RAP1GDS1: variants seen among roughly 807,000 people sequenced by gnomAD.
The protein encoded by RAP1GDS1 is RAP1, GTP-GDP dissociation stimulator 1.
Under a neutral mutation model 71.1 loss-of-function variants are expected in RAP1GDS1, and 35 were observed. That is an observed-to-expected ratio of 0.49 (90% CI 0.38 to 0.65). RAP1GDS1 has a LOEUF of 0.65. Ranked by LOEUF, RAP1GDS1 falls within the 30% of genes least tolerant of loss-of-function variation. The probability of loss-of-function intolerance (pLI) is 0.00; values close to 1 mark genes in which losing one functional copy is unlikely to be tolerated. For missense variants in RAP1GDS1, 663 were observed against 706.1 expected (o/e 0.94, Z 0.69); for synonymous variants, 229 against 243.1 (o/e 0.94, Z 0.54).
intron 1 of RAP1GDS1, among the ~76,000 whole-genome samples, chr4:98,283,746 A>G (rs1224363505): frequency 1.3e-5 from 2 of 152,044 alleles, no homozygotes; most frequent in South Asian, 2.1e-4. Flanking sequence ...ATTGAAAGCT[A>G]AAGTGTGTAT....
intron 2 of RAP1GDS1, among the ~76,000 whole-genome samples, chr4:98,326,234 G>T (rs1018986386): frequency 6.6e-6 from 1 of 151,880 alleles, no homozygotes; most frequent in Non-Finnish European, 1.5e-5. Flanking sequence ...CATAGTTAAC[G>T]CAGCCAATAT....
At chr4:98,378,533 G>A (rs1161274625) in intron 4 of RAP1GDS1, among the ~76,000 whole-genome samples, 2 of 151,868 alleles carry the variant, frequency 1.3e-5, no homozygotes, top group Non-Finnish European at 2.9e-5. Flanking sequence ...TTTAATAAGA[G>A]CTATTATCAA....
Position 98,442,257 on chromosome 4 carries a change from T to C in RAP1GDS1, c.*140T>C. 1.7e-6 allele frequency: 2 copies of C among 1,169,068 alleles called. No individual in the cohort carries two copies. Among genetic ancestry groups the C allele is most frequent in the Non-Finnish European group, 2.3e-6 (2 of 861,254 alleles). The allele number at this position is 1,169,068 out of a possible 1,614,324, so 72.4% of individuals were successfully genotyped here. On this transcript the variant is annotated 3_prime_UTR_variant, in exon 15 of 15. Transcript: ENST00000408927. ...ATACCAATTGAAGAACCGCTGTAGG[T>C]ACCTCCCTAATAAGATTTCTAAACC... is the stretch of plus-strand genomic sequence containing the variant.
At chr4:98,307,862 T>C (rs541496856) in intron 2 of RAP1GDS1, among the ~76,000 whole-genome samples, 62 of 152,278 alleles carry the variant, frequency 4.1e-4, no homozygotes, top group African/African-American at 1.5e-3. Context: ...GGGTTAAGCT[T>C]CCAGTGAAAT....
chr4:98,353,544 A>G (rs1190522047), intron 4 of RAP1GDS1, among the ~76,000 whole-genome samples: 1 of 152,214 alleles, frequency 6.6e-6, no homozygotes, highest in Admixed American at 6.5e-5. Flanking sequence ...AGGAAAAAAG[A>G]TTGAAACTAT....
chr4:98,302,830 G>A (rs1389822314), intron 2 of RAP1GDS1, among the ~76,000 whole-genome samples: 3 of 152,178 alleles, frequency 2.0e-5, no homozygotes, highest in South Asian at 4.1e-4. Context: ...CGGATCACTT[G>A]AGGTCAGGAG....
At chr4:98,336,980 T>C (rs1452584535) in intron 2 of RAP1GDS1, among the ~76,000 whole-genome samples, 1 of 152,082 alleles carries the variant, frequency 6.6e-6, no homozygotes, top group Non-Finnish European at 1.5e-5. Flanking sequence ...CTGCAAACTC[T>C]GCCTCCCAGG....
chr4:98,417,574 A>G, intron 9 of RAP1GDS1, 76 bp downstream of exon 9: 2 of 1,447,378 alleles, frequency 1.4e-6, no homozygotes, highest in Non-Finnish European at 1.9e-6. Context: ...CACATATACT[A>G]AAACTGGAAC....
rs1289574400 is a variant in RAP1GDS1, at chr4:98,424,786, AC to A, written c.1440+3393del. 1.1e-3 allele frequency among the ~76,000 whole-genome samples: 157 copies of A among 147,394 alleles called. 4 individuals carry two copies. The highest frequency in any genetic ancestry group is 0.01 in the Middle Eastern group (3 of 286). ...CTCTGTCTCCAAAAAAAAAAAAAAA[AC>A]AAAGAAAACTTTTGGAAAACATATT... On this transcript the variant is annotated intron_variant, in intron 12 of 14. Transcript: ENST00000408927.
chr4:98,355,836 C>A lies in RAP1GDS1; in HGVS notation c.361+3235C>A, dbSNP rs1737885028. On this transcript the variant is annotated intron_variant, in intron 4 of 14. Coordinates refer to ENST00000408927, the MANE Select transcript of RAP1GDS1 (RefSeq NM_001100427.2). ...TGACATGAGGTAACAGACTGGCATA[C>A]CGCTAAATGGGACGGAGTAAAGCTT... 2.0e-5 allele frequency among the ~76,000 whole-genome samples: 3 copies of A among 152,088 alleles called. No individual in the cohort carries two copies. The South Asian group carries it at 6.2e-4, about 32-fold the overall frequency.
intron 3 of RAP1GDS1, among the ~76,000 whole-genome samples, chr4:98,349,579 C>T (rs1736831827): frequency 1.3e-5 from 2 of 152,264 alleles, no homozygotes; most frequent in Admixed American, 6.5e-5. Context: ...TTTCACGATA[C>T]TGATTCGTCC....
Position 98,393,668 on chromosome 4 carries a change from G to A in RAP1GDS1, c.637+1588G>A, listed in dbSNP as rs115053775. Among the ~76,000 whole-genome samples, 1,116 of 152,260 alleles carry A rather than the reference G, an allele frequency of 7.3e-3. 19 individuals are homozygous for A. Among genetic ancestry groups the A allele is most frequent in the African/African-American group, 0.026 (1,075 of 41,546 alleles). On this transcript the variant is annotated intron_variant, in intron 6 of 14. Transcript: ENST00000408927. Reference sequence around the variant, plus strand: ...TTTAATGTGAGCAGTTTCTAGAACAGCACTGTCCAATACAGTAGCTACCAG... The same window carrying A: ...TTTAATGTGAGCAGTTTCTAGAACAACACTGTCCAATACAGTAGCTACCAG...
chr4:98,421,547 G>T (rs1457490655), intron 12 of RAP1GDS1, among the ~76,000 whole-genome samples, 153 bp downstream of exon 12: 1 of 152,160 alleles, frequency 6.6e-6, no homozygotes, highest in African/African-American at 2.4e-5. Context: ...GCTGATACAT[G>T]GGATATAGGA....
At chr4:98,313,840 G>A (rs978552937) in intron 2 of RAP1GDS1, among the ~76,000 whole-genome samples, 1 of 151,968 alleles carries the variant, frequency 6.6e-6, no homozygotes, top group Non-Finnish European at 1.5e-5. Context: ...GAGCAAGACC[G>A]TGTCTCAAGA....
At chr4:98,412,419 A>G (rs1245685251) in intron 7 of RAP1GDS1, among the ~76,000 whole-genome samples, 4 of 152,070 alleles carry the variant, frequency 2.6e-5, no homozygotes, top group African/African-American at 9.7e-5. Context: ...GGAGGCTGAG[A>G]TAGGAGGATT....
At chr4:98,346,725 T>C (rs1736358230) in intron 3 of RAP1GDS1, among the ~76,000 whole-genome samples, 1 of 152,066 alleles carries the variant, frequency 6.6e-6, no homozygotes, top group Admixed American at 6.5e-5. Flanking sequence ...TTTGTATCTT[T>C]AGTAGAGACG....
chr4:98,361,819 C>T (rs941449942), intron 4 of RAP1GDS1, among the ~76,000 whole-genome samples: 3 of 152,118 alleles, frequency 2.0e-5, no homozygotes, highest in African/African-American at 7.2e-5. Flanking sequence ...ATTTTTAAAC[C>T]TGAATATAAT....
intron 5 of RAP1GDS1, among the ~76,000 whole-genome samples, chr4:98,391,370 A>T (rs1743634673): frequency 6.6e-6 from 1 of 152,110 alleles, no homozygotes; most frequent in African/African-American, 2.4e-5. Flanking sequence ...AAAGAAAAAT[A>T]TTTTAGGTAA....
intron 2 of RAP1GDS1, among the ~76,000 whole-genome samples, chr4:98,321,515 C>T (rs1309741419): frequency 4.2e-5 from 6 of 142,546 alleles, no homozygotes; most frequent in African/African-American, 1.6e-4. Context: ...TAAGGGCAGC[C>T]AGAGAGAAAG....
Sources: gnomAD v4.1 joint callset for allele counts (sites outside exome capture counted in the v4.1 genomes callset) on GRCh38, gnomAD v4.1.1 for gene constraint, MANE v1.5 for transcripts, NCBI Gene and HGNC (gene_info 2026-07-23, HGNC 2026-07-21) for gene names.